Variants in TMEM132C observed in about 807,000 individuals in gnomAD.
TMEM132C encodes the protein protein phosphatase 1, regulatory subunit 152.
TMEM132C carries 29 observed loss-of-function variants against 61.4 expected under a neutral mutation model. The observed-to-expected ratio is 0.47, with a 90% CI of 0.35 to 0.64. TMEM132C has a LOEUF of 0.64. TMEM132C is among the 30% of genes least tolerant of loss of function. The pLI, the probability that TMEM132C is intolerant of heterozygous loss-of-function variation, is 0.00. For missense variants in TMEM132C, 1,408 were observed against 1,476.9 expected (o/e 0.95, Z 0.76); for synonymous variants, 656 against 633.1 (o/e 1.04, Z -0.54).
chr12:128,469,657 T>G (rs76755227), intron 2 of TMEM132C, among the ~76,000 whole-genome samples: 2 of 150,920 alleles, frequency 1.3e-5, no homozygotes, highest in African/African-American at 2.4e-5. Context: ...TGTGTGTGTG[T>G]GTGTGTATAT....
intron 2 of TMEM132C, among the ~76,000 whole-genome samples, chr12:128,468,219 C>T (rs538567406): frequency 2.0e-5 from 3 of 152,210 alleles, no homozygotes; most frequent in East Asian, 3.9e-4. Flanking sequence ...GAGTTAGAAG[C>T]GTAGCCTGAA....
intron 1 of TMEM132C, among the ~76,000 whole-genome samples, chr12:128,342,171 G>C (rs1456274351): frequency 6.6e-6 from 1 of 152,022 alleles, no homozygotes; most frequent in East Asian, 1.9e-4. Context: ...ACCACGCCCG[G>C]CTAATTTTTG....
chr12:128,701,882 T>C (rs963984043), intron 8 of TMEM132C, among the ~76,000 whole-genome samples: 1 of 143,922 alleles, frequency 6.9e-6, no homozygotes, highest in Non-Finnish European at 1.5e-5. Flanking sequence ...CTGCTCTGCT[T>C]CCATTCGCTT....
intron 2 of TMEM132C, among the ~76,000 whole-genome samples, chr12:128,444,319 C>T (rs558281420): frequency 2.6e-4 from 40 of 152,280 alleles, no homozygotes; most frequent in African/African-American, 9.4e-4. Flanking sequence ...GGAAATACCC[C>T]TCTGTGCTTC....
intron 1 of TMEM132C, among the ~76,000 whole-genome samples, chr12:128,348,587 A>T (rs1873245003): frequency 6.6e-6 from 1 of 152,210 alleles, no homozygotes; most frequent in Non-Finnish European, 1.5e-5. Context: ...TTGTGTAAAA[A>T]TGACTGGCAT....
At chr12:128,631,594 AT>A (rs1266713713) in intron 4 of TMEM132C, among the ~76,000 whole-genome samples, 2 of 152,210 alleles carry the variant, frequency 1.3e-5, no homozygotes, top group Non-Finnish European at 2.9e-5. Flanking sequence ...CATCAGCACA[AT>A]TTTGGAGCAG....
intron 1 of TMEM132C, among the ~76,000 whole-genome samples, chr12:128,381,414 A>G (rs1188043752): frequency 6.6e-6 from 1 of 152,216 alleles, no homozygotes; most frequent in Non-Finnish European, 1.5e-5. Flanking sequence ...TCCATGCCGA[A>G]CACACGTGGC....
intron 1 of TMEM132C, among the ~76,000 whole-genome samples, chr12:128,381,331 C>T (rs1043985989): frequency 2.6e-5 from 4 of 152,162 alleles, no homozygotes; most frequent in African/African-American, 9.7e-5. Flanking sequence ...GTGAATCCAT[C>T]TGGTGGAGCA....
chr12:128,625,921 C>T (rs1954011239), intron 4 of TMEM132C, among the ~76,000 whole-genome samples: 1 of 152,150 alleles, frequency 6.6e-6, no homozygotes, highest in Non-Finnish European at 1.5e-5. Flanking sequence ...GTCATAGCCC[C>T]AAAAGCATTA....
intron 3 of TMEM132C, among the ~76,000 whole-genome samples, chr12:128,569,855 A>G (rs965361843): frequency 2.6e-5 from 4 of 152,230 alleles, no homozygotes; most frequent in African/African-American, 9.6e-5. Context: ...ATCGCATTCC[A>G]TCTTTTGCCA....
chr12:128,615,167 T>C lies in TMEM132C; in HGVS notation c.1122-985T>C, dbSNP rs77747686. Among the ~76,000 whole-genome samples the C allele has an allele frequency of 5.9e-3, 891 of 152,236 alleles. 6 individuals carry two copies. The highest frequency in any genetic ancestry group is 0.021 in the African/African-American group (857 of 41,554). On this transcript the variant is annotated intron_variant, in intron 3 of 8. Transcript: ENST00000435159. ...TGTAGTTTAGGCCTCTCAGCCCCTA[T>C]AGCAGAGGAGGACAAGCAGAGGGGG...
chr12:128,509,353 G>T (rs1404983785), intron 2 of TMEM132C, among the ~76,000 whole-genome samples: 1 of 152,126 alleles, frequency 6.6e-6, no homozygotes, highest in Non-Finnish European at 1.5e-5. Context: ...ATGCAATGAG[G>T]CAGGGGTCAC....
chr12:128,533,510 C>A (rs1227289507), intron 2 of TMEM132C, among the ~76,000 whole-genome samples: 1 of 152,146 alleles, frequency 6.6e-6, no homozygotes, highest in Non-Finnish European at 1.5e-5. Flanking sequence ...AGGGTTGATT[C>A]CTTCTGAGGT....
At chr12:128,294,816 A>G (rs1437068256) in intron 1 of TMEM132C, among the ~76,000 whole-genome samples, 4 of 151,980 alleles carry the variant, frequency 2.6e-5, no homozygotes, top group Non-Finnish European at 5.9e-5. Flanking sequence ...ACCTCCTAAG[A>G]CCTCCATTCT....
At chr12:128,635,721 G>A (rs1400415452) in intron 4 of TMEM132C, among the ~76,000 whole-genome samples, 1 of 152,062 alleles carries the variant, frequency 6.6e-6, no homozygotes, top group African/African-American at 2.4e-5. Flanking sequence ...TAAGAGCCAT[G>A]GGCAACTTAC....
At chr12:128,345,632 T>C in intron 1 of TMEM132C, among the ~76,000 whole-genome samples, 1 of 151,830 alleles carries the variant, frequency 6.6e-6, no homozygotes, top group Non-Finnish European at 1.5e-5. Context: ...GGTGTCCCAT[T>C]GCAGTTTTGA....
intron 1 of TMEM132C, among the ~76,000 whole-genome samples, chr12:128,387,073 C>T (rs532338523): frequency 1.4e-5 from 2 of 141,674 alleles, no homozygotes; most frequent in East Asian, 4.4e-4. Context: ...CCTAGGAGTT[C>T]GAGGCTGCAG....
At chr12:128,590,514 A>G (rs1233631511) in intron 3 of TMEM132C, among the ~76,000 whole-genome samples, 4 of 152,224 alleles carry the variant, frequency 2.6e-5, no homozygotes. Flanking sequence ...TGTGTGAGTC[A>G]AGGTCCAGGT....
At chr12:128,313,634 GA>G (rs894653787) in intron 1 of TMEM132C, among the ~76,000 whole-genome samples, 18 of 152,190 alleles carry the variant, frequency 1.2e-4, no homozygotes, top group African/African-American at 4.3e-4. Flanking sequence ...TTTTCACCAT[GA>G]TTAGCTTAGA....
Sources: allele counts gnomAD v4.1 joint callset (sites outside exome capture counted in the v4.1 genomes callset), GRCh38; gene constraint gnomAD v4.1.1; transcripts MANE v1.5; gene names NCBI Gene and HGNC (gene_info 2026-07-23, HGNC 2026-07-21).